The following GPC6 variants were observed in gnomAD, a reference collection of about 807,000 sequenced individuals.
GPC6 encodes the protein glypican 6.
GPC6 carries 14 observed loss-of-function variants against 55.2 expected under a neutral mutation model. That is an observed-to-expected ratio of 0.25 (90% CI 0.17 to 0.40). The LOEUF is 0.40. GPC6 is among the 10% of genes least tolerant of loss of function. The pLI, the probability that GPC6 is intolerant of heterozygous loss-of-function variation, is 1.00. For synonymous variants in GPC6, 278 were observed against 259.6 expected (o/e 1.07, Z -0.68); for missense variants, 641 against 708.5 (o/e 0.90, Z 1.08).
At chr13:93,239,722 G>T (rs910977126) in intron 1 of GPC6, among the ~76,000 whole-genome samples, 1 of 151,550 alleles carries the variant, frequency 6.6e-6, no homozygotes, top group Admixed American at 6.6e-5. Flanking sequence ...TGTGACATTG[G>T]TTGTCAATTT....
intron 2 of GPC6, among the ~76,000 whole-genome samples, chr13:93,546,181 G>A (rs1353832219): frequency 6.6e-6 from 1 of 152,142 alleles, no homozygotes; most frequent in African/African-American, 2.4e-5. Flanking sequence ...ACCTTACCAT[G>A]ATTTCTTGTA....
chr13:93,973,137 A>T (rs981153510), intron 3 of GPC6, among the ~76,000 whole-genome samples: 1 of 152,136 alleles, frequency 6.6e-6, no homozygotes, highest in Admixed American at 6.6e-5. Context: ...GAGTGTATTT[A>T]CACAAACCTA....
At chr13:93,741,614 A>G (rs878898107) in intron 2 of GPC6, among the ~76,000 whole-genome samples, 15 of 152,236 alleles carry the variant, frequency 9.9e-5, no homozygotes, top group African/African-American at 3.1e-4. Flanking sequence ...CCCTGAGTTT[A>G]AATTATATTG....
intron 3 of GPC6, among the ~76,000 whole-genome samples, chr13:93,839,503 C>T (rs574704790): frequency 6.6e-6 from 1 of 152,152 alleles, no homozygotes; most frequent in African/African-American, 2.4e-5. Context: ...TGGCGTATCA[C>T]ATTTATTCTG....
In GPC6 at chr13:94,058,251, T is replaced by A. The variant is rs1312121928; in HGVS notation, c.877+30357T>A. Among the ~76,000 whole-genome samples, 5 of 152,332 alleles carry A rather than the reference T, an allele frequency of 3.3e-5. No homozygotes were observed. In the East Asian group the frequency reaches 5.8e-4, roughly 18 times the overall value. Reference sequence around the variant, plus strand: ...TGAGAATGGAAAGTTGGGACATACATATTTACGGTACGGAAATCAAGATGA... The same window carrying A: ...TGAGAATGGAAAGTTGGGACATACAAATTTACGGTACGGAAATCAAGATGA... On this transcript the variant is annotated intron_variant, in intron 4 of 8. Coordinates refer to ENST00000377047, the MANE Select transcript of GPC6 (RefSeq NM_005708.5).
At chr13:93,421,082 A>G (rs1876904488) in intron 1 of GPC6, among the ~76,000 whole-genome samples, 1 of 152,126 alleles carries the variant, frequency 6.6e-6, no homozygotes, top group South Asian at 2.1e-4. Context: ...TGGAGGATTG[A>G]GTGACGGCGG....
intron 4 of GPC6, among the ~76,000 whole-genome samples, chr13:94,198,239 G>A (rs796725999): frequency 6.6e-6 from 1 of 152,028 alleles, no homozygotes; most frequent in African/African-American, 2.4e-5. Flanking sequence ...TAATGAAAAG[G>A]TAATAAAGAC....
At chr13:93,223,019 CT>C (rs3073915), upstream of GPC6, among the ~76,000 whole-genome samples, 2,968 of 100,712 alleles carry the variant, frequency 0.029, 46 homozygotes, top group African/African-American at 0.052. Flanking sequence ...AGGGAAAACA[CT>C]TTTTTTTTTT....
At chr13:93,809,847 G>A (rs2389049) in intron 2 of GPC6, among the ~76,000 whole-genome samples, 101,606 of 152,058 alleles carry the variant, frequency 0.67, 34,577 homozygotes, top group East Asian at 0.81. Flanking sequence ...TAGTTGGAAC[G>A]TATAGCTTAG....
At chr13:93,287,947 C>T (rs925912035) in intron 1 of GPC6, among the ~76,000 whole-genome samples, 10 of 152,164 alleles carry the variant, frequency 6.6e-5, no homozygotes, top group South Asian at 2.1e-4. Context: ...ATATCATCAA[C>T]GTGATTTGCT....
At chr13:93,350,970 G>A (rs1294369867) in intron 1 of GPC6, among the ~76,000 whole-genome samples, 1 of 151,988 alleles carries the variant, frequency 6.6e-6, no homozygotes, top group African/African-American at 2.4e-5. Flanking sequence ...CAGGTATATA[G>A]CATATAAATG....
chr13:93,838,853 C>T (rs942391636), intron 3 of GPC6, among the ~76,000 whole-genome samples: 1 of 152,112 alleles, frequency 6.6e-6, no homozygotes, highest in African/African-American at 2.4e-5. Flanking sequence ...TGTTTGGGAA[C>T]AGTTGTCTGC....
intron 1 of GPC6, among the ~76,000 whole-genome samples, chr13:93,526,417 G>T (rs192119658): frequency 4.1e-4 from 63 of 152,140 alleles, no homozygotes; most frequent in Admixed American, 3.3e-3. Flanking sequence ...GCAAGGAATT[G>T]TGCAGGAGCC....
At chr13:93,721,084 G>T (rs1394232132) in intron 2 of GPC6, among the ~76,000 whole-genome samples, 1 of 151,936 alleles carries the variant, frequency 6.6e-6, no homozygotes. Flanking sequence ...AGGTCCGCTA[G>T]GTCCAGAGCT....
At chr13:94,376,371 G>T (rs1266443014) in intron 6 of GPC6, among the ~76,000 whole-genome samples, 2 of 150,306 alleles carry the variant, frequency 1.3e-5, no homozygotes, top group African/African-American at 4.9e-5. Flanking sequence ...CAAAATCAAT[G>T]TAGAAAAATC....
At chr13:94,075,528 C>T (rs560905510) in intron 4 of GPC6, among the ~76,000 whole-genome samples, 43 of 152,034 alleles carry the variant, frequency 2.8e-4, no homozygotes, top group East Asian at 2.1e-3. Context: ...TAATTATAGG[C>T]GATATATTGT....
chr13:94,382,298 A>T, intron 6 of GPC6, 116 bp from the exon 7 acceptor site: 1 of 1,088,532 alleles, frequency 9.2e-7, no homozygotes, highest in South Asian at 1.3e-5. Flanking sequence ...AAACTGTTAA[A>T]GAGTTCCTGC....
At chr13:93,963,065 AT>A (rs1168363767) in intron 3 of GPC6, among the ~76,000 whole-genome samples, 1 of 152,068 alleles carries the variant, frequency 6.6e-6, no homozygotes, top group Non-Finnish European at 1.5e-5. Context: ...GCTGTGTAGC[AT>A]TTTTTTATAT....
chr13:93,432,275 T>C lies in GPC6; in HGVS notation c.161-112988T>C, dbSNP rs549684700. On this transcript the variant is annotated intron_variant, in intron 1 of 8. Coordinates refer to ENST00000377047, the MANE Select transcript of GPC6 (RefSeq NM_005708.5). ...AGGGGTAGGTAACGAGCAACAGTGA[T>C]GAACAGATCCATGTATGACTCTCTC... Among the ~76,000 whole-genome samples the C allele has an allele frequency of 2.0e-5, 3 of 152,274 alleles. No individual in the cohort carries two copies. The South Asian group carries it at 6.2e-4, about 32-fold the overall frequency.
Sources: allele counts gnomAD v4.1 joint callset (sites outside exome capture counted in the v4.1 genomes callset), GRCh38; gene constraint gnomAD v4.1.1; transcripts MANE v1.5; gene names NCBI Gene and HGNC (gene_info 2026-07-23, HGNC 2026-07-21).